The following CCSER1 variants were observed in gnomAD, a reference collection of about 807,000 sequenced individuals.
The protein encoded by CCSER1 is serine-rich coiled-coil domain-containing protein 1.
Under a neutral mutation model 82.0 loss-of-function variants are expected in CCSER1, and 41 were observed. The observed-to-expected ratio is 0.50, with a 90% CI of 0.39 to 0.65. CCSER1 has a LOEUF of 0.65. CCSER1 is among the 30% of genes least tolerant of loss of function. The probability of loss-of-function intolerance (pLI) is 0.00; values close to 1 mark genes in which losing one functional copy is unlikely to be tolerated. For synonymous variants in CCSER1, 414 were observed against 383.9 expected, an observed-to-expected ratio of 1.08 and a Z score of -0.92; for missense variants, 1,119 against 1,064.2, an observed-to-expected ratio of 1.05 and a Z score of -0.72.
chr4:90,517,060 C>G (rs1203111498), intron 5 of CCSER1, among the ~76,000 whole-genome samples: 2 of 152,104 alleles, frequency 1.3e-5, no homozygotes. Context: ...TACATTTAAT[C>G]CACCTAACCT....
intron 1 of CCSER1, among the ~76,000 whole-genome samples, chr4:90,170,687 C>G (rs1731494167): frequency 6.6e-6 from 1 of 151,822 alleles, no homozygotes; most frequent in African/African-American, 2.4e-5. Flanking sequence ...CATGTTTTTG[C>G]AAATGACAGG....
At chr4:90,524,217 T>C (rs1048854009) in intron 5 of CCSER1, among the ~76,000 whole-genome samples, 2 of 152,204 alleles carry the variant, frequency 1.3e-5, no homozygotes, top group African/African-American at 4.8e-5. Context: ...CTTAGGAGCT[T>C]ATTAAAATTA....
At chr4:91,452,479 T>C (rs1405276163) in intron 10 of CCSER1, among the ~76,000 whole-genome samples, 2 of 152,138 alleles carry the variant, frequency 1.3e-5, no homozygotes, top group African/African-American at 2.4e-5. Context: ...AAAACACTCA[T>C]ATTGGTGTTG....
At chr4:90,905,383 C>T (rs199665782) in intron 8 of CCSER1, among the ~76,000 whole-genome samples, 18 of 141,192 alleles carry the variant, frequency 1.3e-4, no homozygotes, top group African/African-American at 3.8e-4. Flanking sequence ...CACACACACA[C>T]ATATATTAGT....
At chr4:90,955,185 C>T (rs1399437389) in intron 9 of CCSER1, among the ~76,000 whole-genome samples, 2 of 152,022 alleles carry the variant, frequency 1.3e-5, no homozygotes, top group African/African-American at 4.8e-5. Context: ...ATTGCTATAC[C>T]CCTGCACTTG....
At chr4:90,503,086 G>T (rs1192879234) in intron 5 of CCSER1, among the ~76,000 whole-genome samples, 1 of 152,144 alleles carries the variant, frequency 6.6e-6, no homozygotes, top group African/African-American at 2.4e-5. Context: ...AGTCCTACAA[G>T]TGTCAAACCA....
rs182636749 is a variant in CCSER1 at position 90,128,810 on chromosome 4, A to C, written c.-42+979A>C. Among the ~76,000 whole-genome samples, 267 of 151,786 alleles carry C rather than the reference A, an allele frequency of 1.8e-3. 6 individuals carry two copies. Among genetic ancestry groups the C allele is most frequent in the Admixed American group, 0.015 (233 of 15,262 alleles). ...ATTTCTTGGGGTTTCCTTTTAGTGT[A>C]TCCTGAACTGCTCTCTTTCTCTCTC... On this transcript the variant is annotated intron_variant, in intron 1 of 10. Coordinates refer to ENST00000509176, the MANE Select transcript of CCSER1 (RefSeq NM_001145065.2).
chr4:90,446,172 A>T (rs1449510997), intron 4 of CCSER1, among the ~76,000 whole-genome samples: 1 of 152,180 alleles, frequency 6.6e-6, no homozygotes, highest in Non-Finnish European at 1.5e-5. Context: ...TAGCTCCAGT[A>T]TATTTGAGTT....
Position 90,319,119 on chromosome 4 carries a change from C to A in CCSER1, c.1509+6072C>A, listed in dbSNP as rs1366412707. Among the ~76,000 whole-genome samples the A allele has an allele frequency of 2.0e-5, 3 of 152,144 alleles. No homozygotes were observed. In the East Asian group the frequency reaches 5.8e-4, roughly 29 times the overall value. The stretch of plus-strand genomic sequence containing the variant: ...AAATATATGCATAACTTTCTTGTGT[C>A]TTTTGTTCATTTCTCTAACTGAGAC... On this transcript the variant is annotated intron_variant, in intron 3 of 10. Coordinates refer to ENST00000509176, the MANE Select transcript of CCSER1 (RefSeq NM_001145065.2).
intron 5 of CCSER1, among the ~76,000 whole-genome samples, chr4:90,615,472 A>G (rs530206836): frequency 2.6e-5 from 4 of 152,210 alleles, no homozygotes; most frequent in Non-Finnish European, 5.9e-5. Context: ...AAATATCAAC[A>G]TCAACACAAA....
At chr4:91,594,351 A>G (rs774794931) in intron 10 of CCSER1, among the ~76,000 whole-genome samples, 4 of 147,116 alleles carry the variant, frequency 2.7e-5, no homozygotes, top group Non-Finnish European at 4.5e-5. Context: ...ATATACATAT[A>G]TATACACATA....
chr4:91,253,519 A>C (rs1265265261), intron 10 of CCSER1, among the ~76,000 whole-genome samples: 1 of 152,154 alleles, frequency 6.6e-6, no homozygotes, highest in African/African-American at 2.4e-5. Context: ...AAAGACACAA[A>C]TAGATACTTA....
intron 10 of CCSER1, among the ~76,000 whole-genome samples, chr4:91,486,908 T>G (rs1172030498): frequency 6.6e-6 from 1 of 152,106 alleles, no homozygotes; most frequent in Non-Finnish European, 1.5e-5. Flanking sequence ...TGATTACCAT[T>G]GTATAATGTT....
At chr4:90,944,382 C>A (rs1224840900) in intron 9 of CCSER1, among the ~76,000 whole-genome samples, 10 of 152,040 alleles carry the variant, frequency 6.6e-5, no homozygotes, top group Middle Eastern at 3.2e-3. Flanking sequence ...ATATCTTACC[C>A]CAATATCAAG....
intron 6 of CCSER1, among the ~76,000 whole-genome samples, chr4:90,715,746 T>C (rs1741521871): frequency 6.6e-6 from 1 of 152,066 alleles, no homozygotes; most frequent in Admixed American, 6.6e-5. Context: ...CTCTTAAGCC[T>C]TATGTGGATG....
intron 10 of CCSER1, among the ~76,000 whole-genome samples, chr4:91,229,997 T>TA (rs957086327): frequency 5.6e-4 from 85 of 151,888 alleles, no homozygotes; most frequent in African/African-American, 2.0e-3. Flanking sequence ...AACTTAAAGT[T>TA]AAAAAAAATT....
intron 9 of CCSER1, among the ~76,000 whole-genome samples, chr4:90,967,382 C>A (rs1435550280): frequency 6.6e-6 from 1 of 151,612 alleles, no homozygotes; most frequent in Non-Finnish European, 1.5e-5. Context: ...CCAAGAGGTG[C>A]AGGTTGCAGT....
intron 10 of CCSER1, among the ~76,000 whole-genome samples, chr4:91,114,973 A>G (rs957369228): frequency 2.0e-5 from 3 of 152,194 alleles, no homozygotes; most frequent in Non-Finnish European, 4.4e-5. Context: ...ACATGCCGTG[A>G]GTTTTTATTT....
intron 5 of CCSER1, among the ~76,000 whole-genome samples, chr4:90,574,807 C>T (rs1050072234): frequency 6.6e-6 from 1 of 151,664 alleles, no homozygotes; most frequent in Non-Finnish European, 1.5e-5. Context: ...TTCCAGCAAA[C>T]GACAGCTACA....
Sources: allele counts gnomAD v4.1 joint callset (sites outside exome capture counted in the v4.1 genomes callset), GRCh38; gene constraint gnomAD v4.1.1; transcripts MANE v1.5; gene names NCBI Gene and HGNC (gene_info 2026-07-23, HGNC 2026-07-21).